Variants in CCDC124 observed in about 807,000 individuals in gnomAD.
The protein encoded by CCDC124 is coiled-coil domain containing 124.
Under a neutral mutation model 19.8 loss-of-function variants are expected in CCDC124, and 9 were observed. That is an observed-to-expected ratio of 0.45 (90% confidence interval 0.27 to 0.79). The LOEUF is 0.79. Among genes scored for constraint, CCDC124 ranks in the 30% least tolerant of loss-of-function variants. CCDC124 has a pLI of 0.14. For synonymous variants in CCDC124, 126 were observed against 131.3 expected (o/e 0.96, Z 0.27); for missense variants, 285 against 319.0 (o/e 0.89, Z 0.81).
intron 2 of CCDC124, among the ~76,000 whole-genome samples, chr19:17,941,284 G>A (rs957103830): frequency 2.7e-4 from 41 of 152,020 alleles, no homozygotes; most frequent in Non-Finnish European, 5.0e-4. Flanking sequence ...GCCAAGGCAG[G>A]CAGATCACTT....
intron 2 of CCDC124, among the ~76,000 whole-genome samples, chr19:17,940,533 A>G (rs1456121344): frequency 1.3e-5 from 2 of 151,522 alleles, no homozygotes; most frequent in African/African-American, 4.9e-5. Context: ...TTGGGAGGTC[A>G]AGGCAGGTGG....
chr19:17,938,531 A>G (rs887012047), intron 2 of CCDC124, among the ~76,000 whole-genome samples: 3 of 152,160 alleles, frequency 2.0e-5, no homozygotes, highest in African/African-American at 7.2e-5. Flanking sequence ...AGGGGCTGCT[A>G]TCCTGACAAC....
At chr19:17,935,296 G>A (rs1014787719) in intron 1 of CCDC124, 1 of 152,438 alleles carries the variant, frequency 6.6e-6, no homozygotes, top group Admixed American at 6.6e-5. Context: ...CCAGGGGCTA[G>A]GGGAAGAGGA....
Position 17,943,916 on chromosome 19 carries a change from C to G in CCDC124, c.*201C>G, listed in dbSNP as rs551175054. The stretch of plus-strand genomic sequence containing the variant: ...AGTGACACCCCATCCCCTCCCATCC[C>G]CCGGCGCGTGTGTGTAGAGCCTCAG... On this transcript the variant is annotated 3_prime_UTR_variant, in exon 5 of 5. Coordinates refer to ENST00000445755, the MANE Select transcript of CCDC124 (RefSeq NM_001136203.2). The G allele has an allele frequency of 8.3e-5, 50 of 603,784 alleles. No individual in the cohort carries two copies. The highest frequency in any genetic ancestry group is 1.4e-4 in the Non-Finnish European group (49 of 341,120). The allele number at this position is 603,784 out of a possible 1,614,324, so 37.4% of individuals were successfully genotyped here.
At chr19:17,937,397 G>A (rs1208147334) in intron 2 of CCDC124, among the ~76,000 whole-genome samples, 1 of 152,188 alleles carries the variant, frequency 6.6e-6, no homozygotes, top group Non-Finnish European at 1.5e-5. Context: ...TGTGGACAGT[G>A]AGGCTGTCAT....
At chr19:17,943,459 C>G in intron 4 of CCDC124, 49 bp from the exon 5 acceptor site, 1 of 1,586,170 alleles carries the variant, frequency 6.3e-7, no homozygotes, top group Non-Finnish European at 8.6e-7. Context: ...CCGGGCTTTT[C>G]GGGGCAAGGC....
At chr19:17,937,786 T>C (rs1465959817) in intron 2 of CCDC124, among the ~76,000 whole-genome samples, 2 of 152,074 alleles carry the variant, frequency 1.3e-5, no homozygotes, top group Admixed American at 6.6e-5. Flanking sequence ...CAGGCTGGAG[T>C]GCAATGGCGC....
chr19:17,942,724 G>A lies in CCDC124; in HGVS notation c.228G>A (p.Glu76=). ...RKKETQRLLE[E]EDSKLKGGKA... The stretch of plus-strand genomic sequence containing the variant: ...AGGAGACGCAGCGCCTACTGGAGGA[G>A]GAGGACTCCAAGCTCAAGGGCGGCA... The change falls in exon 3 of 5, where the codon GAG becomes GAA. Residue 76 remains glutamate, a synonymous_variant. Transcript: ENST00000445755. This position sits in a 1 kb window ranked among gnomAD's most constrained non-coding sequence, Gnocchi z 4.2. 1 of 1,552,116 alleles carries A rather than the reference G, an allele frequency of 6.4e-7. No homozygotes were observed. The highest frequency in any genetic ancestry group is 8.7e-7 in the Non-Finnish European group (1 of 1,147,888).
Position 17,934,595 on chromosome 19 carries a change from G to T in CCDC124, c.-12+1547G>T, listed in dbSNP as rs148876913. Among the ~76,000 whole-genome samples, 1,083 of 149,308 alleles carry T rather than the reference G, an allele frequency of 7.3e-3. 21 individuals are homozygous for T. Among genetic ancestry groups the T allele is most frequent in the African/African-American group, 0.025 (998 of 40,452 alleles). On this transcript the variant is annotated intron_variant, in intron 1 of 4. Transcript: ENST00000445755. ...GAGCCCAGGAGTTCAAGGCCAGCCT[G>T]GGCAACATAGTCAGACCCTGCCTTA...
At chr19:17,936,692 C>T (rs551645075) in intron 2 of CCDC124, 113 bp downstream of exon 2, 2 of 1,322,526 alleles carry the variant, frequency 1.5e-6, no homozygotes, top group Non-Finnish European at 2.1e-6. Context: ...TCTGAAAGGC[C>T]AGGAGGGACC....
At chr19:17,941,312 A>C (rs2031174834) in intron 2 of CCDC124, among the ~76,000 whole-genome samples, 1 of 151,898 alleles carries the variant, frequency 6.6e-6, no homozygotes, top group South Asian at 2.1e-4. Flanking sequence ...GGAGTTCGAG[A>C]CCAGCCTGGG....
chr19:17,936,472 C>G lies in CCDC124; in HGVS notation c.52C>G (p.Arg18Gly). ...CACCAAGTCGGCAGCGGCCCGGGCA[C>G]GTAGGGCAGAGGCCAAGGCGGCCGC... Reference protein sequence around the residue: ...ENTKSAAARARRAEAKAAADA... With the variant: ...ENTKSAAARAGRAEAKAAADA... The change falls in exon 2 of 5, where the codon CGT becomes GGT. Residue 18 changes from arginine to glycine, a missense_variant. Transcript: ENST00000445755. 1 of 1,613,190 alleles carries G rather than the reference C, an allele frequency of 6.2e-7. No homozygotes were observed. Among genetic ancestry groups the G allele is most frequent in the Non-Finnish European group, 8.5e-7 (1 of 1,179,818 alleles).
At position 17,943,587 on chromosome 19, in the gene CCDC124, C is replaced by T. The variant is rs200440400; in HGVS notation, c.544C>T (p.Pro182Ser). 4.3e-6 allele frequency: 7 copies of T among 1,612,938 alleles called. No individual in the cohort carries two copies. Among genetic ancestry groups the T allele is most frequent in the Non-Finnish European group, 5.9e-6 (7 of 1,179,968 alleles). The change falls in exon 5 of 5, where the codon CCG becomes TCG. Residue 182 changes from proline to serine, a missense_variant. Coordinates refer to ENST00000445755, the MANE Select transcript of CCDC124 (RefSeq NM_001136203.2). ...CACAGCCTTTGAGGAAGCCCAGCTG[C>T]CGCGGCTCAAACAAGAGAACCCCAA... ...AFTAFEEAQL[P>S]RLKQENPNMR...
chr19:17,941,103 C>T (rs994228418), intron 2 of CCDC124, among the ~76,000 whole-genome samples: 1 of 149,598 alleles, frequency 6.7e-6, no homozygotes, highest in Non-Finnish European at 1.5e-5. Context: ...AGGCAGTTGG[C>T]TAGTTGGCTA....
At chr19:17,933,801 G>C (rs561122366) in intron 1 of CCDC124, among the ~76,000 whole-genome samples, 1 of 152,186 alleles carries the variant, frequency 6.6e-6, no homozygotes, top group Non-Finnish European at 1.5e-5. Context: ...GGCGCCCTGC[G>C]TGTCCTTATT....
Position 17,943,875 on chromosome 19 carries a change from G to A in CCDC124, c.*160G>A. On this transcript the variant is annotated 3_prime_UTR_variant, in exon 5 of 5. Transcript: ENST00000445755. ...TCACCAGCCACCCGTCCTCCCGCCA[G>A]AGGGTCCCTGCCCCGAGTGACACCC... 2.9e-6 allele frequency: 2 copies of A among 684,066 alleles called. No homozygotes were observed. The highest frequency in any genetic ancestry group is 2.5e-6 in the Non-Finnish European group (1 of 405,922). 42.4% of individuals were successfully genotyped at this position (684,066 alleles called of 1,614,324 possible).
chr19:17,943,862 C>A lies in CCDC124; in HGVS notation c.*147C>A. ...GGCCATGCTCTTATCACCAGCCACC[C>A]GTCCTCCCGCCAGAGGGTCCCTGCC... On this transcript the variant is annotated 3_prime_UTR_variant, in exon 5 of 5. Coordinates refer to ENST00000445755, the MANE Select transcript of CCDC124 (RefSeq NM_001136203.2). The A allele has an allele frequency of 1.4e-6, 1 of 735,622 alleles. No individual in the cohort carries two copies. The highest frequency in any genetic ancestry group is 2.2e-6 in the Non-Finnish European group (1 of 450,174). The allele number at this position is 735,622 out of a possible 1,614,324, so 45.6% of individuals were successfully genotyped here.
Position 17,942,775 on chromosome 19 carries a change from C to G in CCDC124, c.279C>G (p.Ser93Arg). The G allele has an allele frequency of 6.5e-7, 1 of 1,547,644 alleles. No homozygotes were observed. The highest frequency in any genetic ancestry group is 8.7e-7 in the Non-Finnish European group (1 of 1,146,342). The change falls in exon 3 of 5, where the codon AGC becomes AGG. Residue 93 changes from serine to arginine, a missense_variant. By Grantham distance (110) the Ser-to-Arg change is moderately radical (BLOSUM62 -1). Coordinates refer to ENST00000445755, the MANE Select transcript of CCDC124 (RefSeq NM_001136203.2). This position sits in a 1 kb window ranked among gnomAD's most constrained non-coding sequence, Gnocchi z 4.2. ...GGKAPRVATSSKVTRAQIEDT... is the reference protein window; with the variant it reads ...GGKAPRVATSRKVTRAQIEDT... Reference sequence around the variant, plus strand: ...AGGCGCCGCGGGTGGCCACGTCCAGCAAGGTCACCCGGGCCCAGATCGAGG... The same window carrying G: ...AGGCGCCGCGGGTGGCCACGTCCAGGAAGGTCACCCGGGCCCAGATCGAGG...
rs570543487 is a variant in CCDC124 at position 17,942,885 on chromosome 19, C to T, written c.349+40C>T. 5 of 1,466,434 alleles carry T rather than the reference C, an allele frequency of 3.4e-6. No homozygotes were observed. In the South Asian group the frequency reaches 4.3e-5, roughly 13 times the overall value. 90.8% of individuals were successfully genotyped at this position (1,466,434 alleles called of 1,614,324 possible). On this transcript the variant is annotated intron_variant, in intron 3 of 4. Coordinates refer to ENST00000445755, the MANE Select transcript of CCDC124 (RefSeq NM_001136203.2). This position sits in a 1 kb window ranked among gnomAD's most constrained non-coding sequence, Gnocchi z 4.2. Reference sequence around the variant, plus strand: ...CGCTCTGGAGCTGCACTTTTGCCCACTGCAGAGGCAGTGGACCTTGAGTCC... The same window carrying T: ...CGCTCTGGAGCTGCACTTTTGCCCATTGCAGAGGCAGTGGACCTTGAGTCC...
Sources: gnomAD v4.1 joint callset for allele counts (sites outside exome capture counted in the v4.1 genomes callset) on GRCh38, gnomAD v4.1.1 for gene constraint, Gnocchi (gnomAD v3.1) non-coding constraint, MANE v1.5 for transcripts, NCBI Gene and HGNC (gene_info 2026-07-23, HGNC 2026-07-21) for gene names.